Variants in RTN4RL2 observed in about 807,000 individuals in gnomAD.
RTN4RL2 encodes reticulon-4 receptor-like 2.
In RTN4RL2, 9 loss-of-function variants were observed where a neutral mutation model predicts 27.8. The ratio of observed to expected loss-of-function variants is 0.32; its 90% CI spans 0.20 to 0.57. The LOEUF is 0.57. Among genes scored for constraint, RTN4RL2 ranks in the 20% least tolerant of loss-of-function variants. RTN4RL2 has a pLI of 0.90. For missense variants in RTN4RL2, 436 were observed against 596.8 expected (o/e 0.73, Z 2.81); for synonymous variants, 285 against 297.9 (o/e 0.96, Z 0.45).
chr11:57,462,327 A>G (rs759153692), intron 1 of RTN4RL2, among the ~76,000 whole-genome samples: 1 of 151,942 alleles, frequency 6.6e-6, no homozygotes, highest in Non-Finnish European at 1.5e-5. Flanking sequence ...CACCACCTCC[A>G]TCCCACTCCT....
chr11:57,472,265 G>A (rs1249799796), intron 2 of RTN4RL2, among the ~76,000 whole-genome samples: 1 of 152,000 alleles, frequency 6.6e-6, no homozygotes, highest in Non-Finnish European at 1.5e-5. Flanking sequence ...CCCAGCTGGA[G>A]TGCAGTGGCG....
Position 57,476,750 on chromosome 11 carries a change from G to A in RTN4RL2, c.1102G>A (p.Asp368Asn). The A allele has an allele frequency of 1.4e-6, 2 of 1,457,118 alleles. No homozygotes were observed. The highest frequency in any genetic ancestry group is 1.8e-6 in the Non-Finnish European group (2 of 1,111,604). The allele number at this position is 1,457,118 out of a possible 1,614,324, so 90.3% of individuals were successfully genotyped here. ...CCAGGGCGGGGACGCGCCTACTGAG[G>A]ACGACTACTGGGGGGGCTACGGGGG... ...GRQGGDAPTE[D>N]DYWGGYGGED... The change falls in exon 3 of 3, where the codon GAC becomes AAC. Residue 368 changes from aspartate (D) to asparagine (N), a missense_variant. Physicochemically the swap from Asp to Asn is conservative, Grantham distance 23. Transcript: ENST00000335099. The surrounding 1 kb of genome is among the most constrained non-coding windows in gnomAD (Gnocchi z 8.2).
intron 1 of RTN4RL2, among the ~76,000 whole-genome samples, chr11:57,466,417 C>CTG (rs1334702426): frequency 1.3e-5 from 2 of 152,198 alleles, no homozygotes; most frequent in Non-Finnish European, 2.9e-5. Context: ...CTGCAATAAG[C>CTG]TGTGATCGTA....
At chr11:57,465,336 A>C (rs1200047126) in intron 1 of RTN4RL2, among the ~76,000 whole-genome samples, 1 of 152,190 alleles carries the variant, frequency 6.6e-6, no homozygotes, top group Non-Finnish European at 1.5e-5. Context: ...AGCGTGACAC[A>C]ACACACACAA....
At chr11:57,465,299 C>CAGAT (rs1364752538) in intron 1 of RTN4RL2, among the ~76,000 whole-genome samples, 1 of 152,240 alleles carries the variant, frequency 6.6e-6, no homozygotes, top group Non-Finnish European at 1.5e-5. Context: ...GATACATACA[C>CAGAT]ACATTCACGC....
chr11:57,468,141 G>C, intron 2 of RTN4RL2, 51 bp downstream of exon 2: 1 of 1,535,782 alleles, frequency 6.5e-7, no homozygotes, highest in Non-Finnish European at 8.7e-7. Context: ...TCCTCTCTCT[G>C]TGGGCCCCTC....
Position 57,477,005 on chromosome 11 carries a change from G to T in RTN4RL2, c.*94G>T. On this transcript the variant is annotated 3_prime_UTR_variant, in exon 3 of 3. Coordinates refer to ENST00000335099, the MANE Select transcript of RTN4RL2 (RefSeq NM_178570.3). The stretch of plus-strand genomic sequence containing the variant: ...GGCCCCAGTCGCCCCACCTTCCCTG[G>T]CCTTGCTGCCTCCCTTTCCCCTCCC... The T allele has an allele frequency of 7.8e-7, 1 of 1,286,280 alleles. No individual in the cohort carries two copies. The highest frequency in any genetic ancestry group is 1.0e-6 in the Non-Finnish European group (1 of 961,454). 79.7% of individuals were successfully genotyped at this position (1,286,280 alleles called of 1,614,324 possible). A position where few individuals can be genotyped will look rare whatever the true frequency, so the allele number is the denominator to read the frequency against.
Position 57,474,239 on chromosome 11 carries a change from C to T in RTN4RL2, c.514-1923C>T, listed in dbSNP as rs527761235. On this transcript the variant is annotated intron_variant, in intron 2 of 2. Coordinates refer to ENST00000335099, the MANE Select transcript of RTN4RL2 (RefSeq NM_178570.3). ...GGAGAATGGTGGTGTCAGAGGCAGC[C>T]GAGAAGGTTGAGGGGGACGGATCTC... is the stretch of plus-strand genomic sequence containing the variant. Among the ~76,000 whole-genome samples the T allele has an allele frequency of 5.9e-5, 9 of 152,004 alleles. No individual in the cohort carries two copies. The East Asian group carries it at 1.4e-3, about 23-fold the overall frequency.
At chr11:57,468,711 C>A in intron 2 of RTN4RL2, 2 of 1,535,956 alleles carry the variant, frequency 1.3e-6, no homozygotes. Context: ...GGCAATGGGA[C>A]GGGAGAAGCC....
chr11:57,472,995 G>C (rs967324253), intron 2 of RTN4RL2, among the ~76,000 whole-genome samples: 3 of 152,188 alleles, frequency 2.0e-5, no homozygotes, highest in African/African-American at 7.2e-5. Context: ...CTGAAATGGA[G>C]ATAATAATAG....
chr11:57,460,933 TG>T, intron 1 of RTN4RL2, 37 bp downstream of exon 1: 2 of 1,332,974 alleles, frequency 1.5e-6, no homozygotes, highest in Non-Finnish European at 2.0e-6. Flanking sequence ...GAGGGCATCC[TG>T]GGGAGAGAAG....
chr11:57,466,788 G>A (rs1322562637), intron 1 of RTN4RL2, among the ~76,000 whole-genome samples: 5 of 152,192 alleles, frequency 3.3e-5, no homozygotes, highest in Admixed American at 1.3e-4. Context: ...CCAATGGGGT[G>A]ACTTTGCCCC....
intron 2 of RTN4RL2, among the ~76,000 whole-genome samples, chr11:57,471,473 T>C (rs1025818536): frequency 2.2e-4 from 34 of 152,344 alleles, no homozygotes; most frequent in African/African-American, 7.9e-4. Context: ...ACTTCACACC[T>C]GGCCTTTTAT....
At chr11:57,465,155 C>T (rs912861969) in intron 1 of RTN4RL2, among the ~76,000 whole-genome samples, 1 of 152,212 alleles carries the variant, frequency 6.6e-6, no homozygotes, top group African/African-American at 2.4e-5. Context: ...GTGCTCCCCC[C>T]TCTGGAGGAG....
chr11:57,465,017 G>A lies in RTN4RL2; in HGVS notation c.32-2592G>A, dbSNP rs989800663. On this transcript the variant is annotated intron_variant, in intron 1 of 2. Transcript: ENST00000335099. ...CACGGGGCCCGGCGCTCACACACAC[G>A]CGGAGGACAGCCAGCACGCACCGAC... 2.6e-5 allele frequency among the ~76,000 whole-genome samples: 4 copies of A among 152,172 alleles called. No homozygotes were observed. In the East Asian group the frequency reaches 5.8e-4, roughly 22 times the overall value.
At chr11:57,468,411 A>C in intron 2 of RTN4RL2, 1 of 707,874 alleles carries the variant, frequency 1.4e-6, no homozygotes, top group South Asian at 1.8e-5. Flanking sequence ...CTCTCTCACT[A>C]ACTTGCCTCC....
At chr11:57,468,462 C>T in intron 2 of RTN4RL2, 1 of 1,109,142 alleles carries the variant, frequency 9.0e-7, no homozygotes, top group Non-Finnish European at 1.3e-6. Context: ...TCCCTTCACA[C>T]ACCCACTCCG....
At position 57,467,648 on chromosome 11, in the gene RTN4RL2, T is replaced by C. The variant is rs1943535970; in HGVS notation, c.71T>C (p.Leu24Pro). The C allele has an allele frequency of 6.2e-7, 1 of 1,610,520 alleles. No individual in the cohort carries two copies. The highest frequency in any genetic ancestry group is 1.7e-5 in the Admixed American group (1 of 59,956). ...SACLLLMLLA[L>P]PLAAPSCPML... ...TGCCTCCTGCTGATGCTCCTGGCCC[T>C]GCCCCTGGCGGCCCCCAGCTGCCCC... Residue 24 changes from leucine to proline, a missense_variant, in exon 2 of 3, where the codon CTG becomes CCG. This residue lies in a region of RTN4RL2 where 365 missense variants were observed against 530.5 expected (regional missense o/e 0.69). Transcript: ENST00000335099. This position sits in a 1 kb window ranked among gnomAD's most constrained non-coding sequence, Gnocchi z 5.5.
intron 1 of RTN4RL2, among the ~76,000 whole-genome samples, chr11:57,462,952 C>T (rs1413715551): frequency 2.6e-5 from 4 of 152,244 alleles, no homozygotes; most frequent in Non-Finnish European, 5.9e-5. Context: ...ACAGACTCAG[C>T]ATTGTGGCTG....
Sources: allele counts gnomAD v4.1 joint callset (sites outside exome capture counted in the v4.1 genomes callset), GRCh38; gene constraint gnomAD v4.1.1; regional missense constraint gnomAD v4.1.1; non-coding constraint Gnocchi (gnomAD v3.1); transcripts MANE v1.5; gene names NCBI Gene and HGNC (gene_info 2026-07-23, HGNC 2026-07-21).